The following KRT13 variants were observed in gnomAD, a reference collection of about 807,000 sequenced individuals.
KRT13 encodes the protein keratin, type I cytoskeletal 13.
KRT13 carries 27 observed loss-of-function variants against 40.6 expected under a neutral mutation model. That is an observed-to-expected ratio of 0.67 (90% CI 0.49 to 0.92). The LOEUF (loss-of-function observed/expected upper bound fraction) is 0.92, where lower values mean the gene tolerates loss of function less well. KRT13 is among the 40% of genes least tolerant of loss of function. The probability of loss-of-function intolerance (pLI) is 0.00; values close to 1 mark genes in which losing one functional copy is unlikely to be tolerated. For synonymous variants in KRT13, 266 were observed against 240.3 expected, an observed-to-expected ratio of 1.11 and a Z score of -0.99; for missense variants, 605 against 611.5, an observed-to-expected ratio of 0.99 and a Z score of 0.11.
Position 41,501,382 on chromosome 17 carries a change from A to T in KRT13, c.1271-20T>A. 2 of 1,537,934 alleles carry T rather than the reference A, an allele frequency of 1.3e-6. No individual in the cohort carries two copies. The highest frequency in any genetic ancestry group is 1.8e-6 in the Non-Finnish European group (2 of 1,133,698). Reference sequence around the variant, plus strand: ...CGCTTCCTGGGAAACAAGAGACAAGACATGCTCAGGCTGGAGAAGACCCAC... The same window carrying T: ...CGCTTCCTGGGAAACAAGAGACAAGTCATGCTCAGGCTGGAGAAGACCCAC... On this transcript the variant is annotated intron_variant, in intron 7 of 7. Transcript: ENST00000246635.
Position 41,502,428 on chromosome 17 carries a change from C to T in KRT13, c.1190G>A (p.Arg397His), listed in dbSNP as rs369742463. 3.3e-5 allele frequency: 54 copies of T among 1,614,240 alleles called. No homozygotes were observed. Among genetic ancestry groups the T allele is most frequent in the South Asian group, 8.8e-5 (8 of 91,086 alleles). The stretch of plus-strand genomic sequence containing the variant: ...GTAGGTGGCGATCTCCTGCTCCAGA[C>T]GTGTCTTGATGTCCAGCAGCATCTT... ...EYKMLLDIKT[R>H]LEQEIATYRS... Residue 397 changes from arginine to histidine, a missense_variant, in exon 6 of 8, where the codon CGT becomes CAT. By Grantham distance (29) the Arg-to-His change is conservative. Coordinates refer to ENST00000246635, the MANE Select transcript of KRT13 (RefSeq NM_153490.3).
chr17:41,501,424 G>T, intron 7 of KRT13, 62 bp from the exon 8 acceptor site: 1 of 1,380,240 alleles, frequency 7.2e-7, no homozygotes, highest in Non-Finnish European at 1.0e-6. Flanking sequence ...ACAGGGCAGG[G>T]CCCCCCTGGA....
intron 1 of KRT13, 117 bp downstream of exon 1, chr17:41,504,939 T>G: frequency 8.2e-7 from 1 of 1,226,080 alleles, no homozygotes; most frequent in Non-Finnish European, 1.1e-6. Flanking sequence ...AGTAGGCTTT[T>G]CCCCTGCAAG....
In KRT13 at chr17:41,503,098, C is replaced by T; in HGVS notation, c.736G>A (p.Glu246Lys). The T allele has an allele frequency of 6.2e-7, 1 of 1,614,188 alleles. No homozygotes were observed. The highest frequency in any genetic ancestry group is 2.2e-5 in the East Asian group (1 of 44,870). The change falls in exon 4 of 8, where the codon GAG (glutamate) becomes AAG (lysine). Residue 246 changes from glutamate (E) to lysine (K), a missense_variant and splice_region_variant. Glu to Lys is a moderately conservative substitution (Grantham distance 56, BLOSUM62 1). Coordinates refer to ENST00000246635, the MANE Select transcript of KRT13 (RefSeq NM_153490.3). ...LAYMKKNHEE[E>K]MKEFSNQVVG... ...ACCTGGTTGCTAAATTCCTTCATCT[C>T]CTGTGGGGATGGGAAAGGAAGATGT...
At chr17:41,504,333 CT>C (rs1230601595) in intron 1 of KRT13, 2 of 158,556 alleles carry the variant, frequency 1.3e-5, no homozygotes, top group Non-Finnish European at 2.8e-5. Flanking sequence ...TCAGGAGGGA[CT>C]CGGCTTGGTG....
At chr17:41,504,194 C>G (rs1904981264) in intron 1 of KRT13, 2 of 200,036 alleles carry the variant, frequency 1.0e-5, no homozygotes, top group South Asian at 1.7e-4. Context: ...GTCTGAGCAC[C>G]CTGGGGGAGA....
chr17:41,501,085 C>T lies in KRT13; in HGVS notation c.*171G>A, dbSNP rs903. 5 of 571,974 alleles carry T rather than the reference C, an allele frequency of 8.7e-6. No individual in the cohort carries two copies. The highest frequency in any genetic ancestry group is 3.2e-5 in the East Asian group (1 of 31,342). 35.4% of individuals were successfully genotyped at this position (571,974 alleles called of 1,614,324 possible). A position where few individuals can be genotyped will look rare whatever the true frequency, so the allele number is the denominator to read the frequency against. ...AGGTCAGAGAGGAGAGAGATCCGAC[C>T]GGAAGAGAAGAGCACAGAGGGCCCA... On this transcript the variant is annotated 3_prime_UTR_variant, in exon 8 of 8. Transcript: ENST00000246635.
chr17:41,502,638 G>C, intron 5 of KRT13, 44 bp from the exon 6 acceptor site: 1 of 1,613,112 alleles, frequency 6.2e-7, no homozygotes, highest in Non-Finnish European at 8.5e-7. Context: ...AGCCAGGCCA[G>C]AGGGAAACCT....
In KRT13 at chr17:41,503,398, G is replaced by A. The variant is rs1034660872; in HGVS notation, c.624C>T (p.Ile208=). Residue 208 remains isoleucine, a synonymous_variant, in exon 3 of 8, where the codon ATC becomes ATT. Coordinates refer to ENST00000246635, the MANE Select transcript of KRT13 (RefSeq NM_153490.3). ...CATCCAGCACCCGGCGCAGGCCGTT[G>A]ATGTCGGCCTCCACGCTCTGGCGCA... ...LALRQSVEAD[I]NGLRRVLDEL... The A allele has an allele frequency of 1.2e-6, 2 of 1,614,198 alleles. No individual in the cohort carries two copies. The highest frequency in any genetic ancestry group is 1.1e-5 in the South Asian group (1 of 91,088).
chr17:41,501,673 G>A, intron 7 of KRT13, 46 bp downstream of exon 7: 1 of 1,558,818 alleles, frequency 6.4e-7, no homozygotes, highest in Non-Finnish European at 8.7e-7. Context: ...GCAGTGAATG[G>A]GAGGCTAACT....
rs771676645 is a variant in KRT13 at position 41,501,359 on chromosome 17, C to T, written c.1274G>A (p.Ser425Asn). Residue 425 changes from serine to asparagine, a missense_variant, in exon 8 of 8, where the codon AGC becomes AAC. Coordinates refer to ENST00000246635, the MANE Select transcript of KRT13 (RefSeq NM_153490.3). ...KMIGFPSSAGSVSPRSTSVTT... is the reference protein window; with the variant it reads ...KMIGFPSSAGNVSPRSTSVTT... The stretch of plus-strand genomic sequence containing the variant: ...AACAGAGGTGCTACGGGGGCTGACG[C>T]TTCCTGGGAAACAAGAGACAAGACA... 5 of 1,558,804 alleles carry T rather than the reference C, an allele frequency of 3.2e-6. 1 individual carries two copies. Among genetic ancestry groups the T allele is most frequent in the East Asian group, 2.4e-5 (1 of 42,420 alleles).
chr17:41,501,355 G>A lies in KRT13; in HGVS notation c.1278C>T (p.Val426=), dbSNP rs567753244. 1.5e-5 allele frequency: 24 copies of A among 1,560,336 alleles called. No individual in the cohort carries two copies. The highest frequency in any genetic ancestry group is 4.7e-5 in the East Asian group (2 of 42,546). Reference sequence around the variant, plus strand: ...TGGTAACAGAGGTGCTACGGGGGCTGACGCTTCCTGGGAAACAAGAGACAA... The same window carrying A: ...TGGTAACAGAGGTGCTACGGGGGCTAACGCTTCCTGGGAAACAAGAGACAA... ...MIGFPSSAGS[V]SPRSTSVTTT... The change falls in exon 8 of 8, where the codon GTC becomes GTT. Residue 426 remains valine, a synonymous_variant. Coordinates refer to ENST00000246635, the MANE Select transcript of KRT13 (RefSeq NM_153490.3).
At position 41,502,570 on chromosome 17, in the gene KRT13, C is replaced by A; in HGVS notation, c.1048G>T (p.Ala350Ser). 6.2e-7 allele frequency: 1 copy of A among 1,613,738 alleles called. No individual in the cohort carries two copies. The highest frequency in any genetic ancestry group is 1.1e-5 in the South Asian group (1 of 91,092). Residue 350 changes from alanine to serine, a missense_variant, in exon 6 of 8, where the codon GCA becomes TCA. Coordinates refer to ENST00000246635, the MANE Select transcript of KRT13 (RefSeq NM_153490.3). ...AGGGCATAGCGGCACTCCGTCTCTG[C>A]CACCGTGTTCTCCAGCCCCGCTTTC... The part of the protein sequence containing the change: ...SMKAGLENTV[A>S]ETECRYALQL...
rs150899638 is a variant in KRT13 at position 41,505,165 on chromosome 17, T to C, written c.386A>G (p.Asn129Ser). Residue 129 changes from asparagine to serine, a missense_variant, in exon 1 of 8, where the codon AAC becomes AGC. By Grantham distance (46) the Asn-to-Ser change is conservative. Transcript: ENST00000246635. ...LEKVRALEEANADLEVKIRDW... is the reference protein window; with the variant it reads ...LEKVRALEEASADLEVKIRDW... Reference sequence around the variant, plus strand: ...ACGGATCTTCACCTCCAGGTCAGCGTTGGCCTCCTCCAGGGCGCGCACCTT... The same window carrying C: ...ACGGATCTTCACCTCCAGGTCAGCGCTGGCCTCCTCCAGGGCGCGCACCTT... The C allele has an allele frequency of 1.2e-6, 2 of 1,614,204 alleles. No homozygotes were observed. Among genetic ancestry groups the C allele is most frequent in the Non-Finnish European group, 1.7e-6 (2 of 1,180,036 alleles).
intron 6 of KRT13, 45 bp downstream of exon 6, chr17:41,502,329 G>A: frequency 6.2e-7 from 1 of 1,613,226 alleles, no homozygotes; most frequent in Non-Finnish European, 8.5e-7. Flanking sequence ...GACACCCACG[G>A]GTCCTGCAGT....
In KRT13 at chr17:41,505,038, C is replaced by T; in HGVS notation, c.495+18G>A. Reference sequence around the variant, plus strand: ...CTGCCCTTCATGGAGGACCCCTCCTCAGCTTCCAAGGGCTCACCTTGTCCC... The same window carrying T: ...CTGCCCTTCATGGAGGACCCCTCCTTAGCTTCCAAGGGCTCACCTTGTCCC... On this transcript the variant is annotated intron_variant, in intron 1 of 7. Transcript: ENST00000246635. The T allele has an allele frequency of 5.0e-6, 8 of 1,613,976 alleles. No homozygotes were observed. The highest frequency in any genetic ancestry group is 1.6e-4 in the Middle Eastern group (1 of 6,062).
Position 41,505,309 on chromosome 17 carries a change from AAGCCACCTCCAAGGCCACCTCCAT to A in KRT13, c.218_241del (p.Tyr73_Gly80del), listed in dbSNP as rs757809964. ...AAAGCCACCAGCAAAACCCCCACCA[AAGCCACCTCCAAGGCCACCTCCAT>A]AGCCACCTCCAAGGCCACCTCCATA... On this transcript the variant is annotated inframe_deletion, in exon 1 of 8. Transcript: ENST00000246635. The A allele has an allele frequency of 4.6e-5, 74 of 1,613,710 alleles. No individual in the cohort carries two copies. Among genetic ancestry groups the A allele is most frequent in the South Asian group, 8.8e-5 (8 of 91,078 alleles).
chr17:41,505,357 T>A lies in KRT13; in HGVS notation c.194A>T (p.Tyr65Phe). 6.2e-7 allele frequency: 1 copy of A among 1,613,586 alleles called. No individual in the cohort carries two copies. Among genetic ancestry groups the A allele is most frequent in the South Asian group, 1.1e-5 (1 of 91,060 alleles). The change falls in exon 1 of 8, where the codon TAT becomes TTT. Residue 65 changes from tyrosine to phenylalanine, a missense_variant. Physicochemically the swap from Tyr to Phe is conservative, Grantham distance 22. Transcript: ENST00000246635. The part of the protein sequence containing the change: ...GGAGSGFGGG[Y>F]GGGLGGGYGG... ...ATAGCCACCTCCAAGGCCACCTCCA[T>A]AGCCACCTCCAAAGCCACTACCAGC...
rs1904886620 is a variant in KRT13, at chr17:41,502,476, ATC to A, written c.1140_1141del (p.Glu380AspfsTer50). The stretch of plus-strand genomic sequence containing the variant: ...CTTGTACTCTTGGTTCTGGCACTCC[ATC>A]TCACTGCGGAGCTCGCTCAGCTGGG... On this transcript the variant is annotated frameshift_variant, in exon 6 of 8. Coordinates refer to ENST00000246635, the MANE Select transcript of KRT13 (RefSeq NM_153490.3). LOFTEE classifies it high-confidence loss of function. 5 of 1,614,198 alleles carry A rather than the reference ATC, an allele frequency of 3.1e-6. No homozygotes were observed. Among genetic ancestry groups the A allele is most frequent in the Non-Finnish European group, 4.2e-6 (5 of 1,180,030 alleles).
Sources: gnomAD v4.1 joint callset for allele counts on GRCh38, gnomAD v4.1.1 for gene constraint, MANE v1.5 for transcripts, NCBI Gene and HGNC (gene_info 2026-07-23, HGNC 2026-07-21) for gene names.